GRM6: variants seen among roughly 807,000 people sequenced by gnomAD.
The protein encoded by GRM6 is glutamate metabotropic receptor 6, also known as metabotropic glutamate receptor 6.
In GRM6, 73 loss-of-function variants were observed where a neutral mutation model predicts 78.4. That is an observed-to-expected ratio of 0.93 (90% CI 0.77 to 1.13). The LOEUF (loss-of-function observed/expected upper bound fraction) is 1.13, where lower values mean the gene tolerates loss of function less well. Among genes scored for constraint, GRM6 ranks in the 50% most tolerant of loss-of-function variants. The pLI is 0.00. For synonymous variants in GRM6, 580 were observed against 555.0 expected (o/e 1.05, Z -0.63); for missense variants, 1,251 against 1,256.4 (o/e 1.00, Z 0.07).
Position 178,994,833 on chromosome 5 carries a change from C to A in GRM6, c.112G>T (p.Gly38Cys). ...GGGAACAGGCCGCCCAGCGTCAGGC[C>A]GCCCGCCAGGCGCACAGAGCCCGCC... ...RAAGSVRLAG[G>C]LTLGGLFPVH... The change falls in exon 2 of 11, where the codon GGC (glycine) becomes TGC (cysteine). Residue 38 changes from glycine (G) to cysteine (C), a missense_variant. Physicochemically the swap from Gly to Cys is radical, Grantham distance 159. Coordinates refer to ENST00000517717, the MANE Select transcript of GRM6 (RefSeq NM_000843.4). 1 of 1,231,464 alleles carries A rather than the reference C, an allele frequency of 8.1e-7. No individual in the cohort carries two copies. Among genetic ancestry groups the A allele is most frequent in the South Asian group, 2.9e-5 (1 of 34,852 alleles). 76.3% of individuals were successfully genotyped at this position (1,231,464 alleles called of 1,614,324 possible). A position where few individuals can be genotyped will look rare whatever the true frequency, so the allele number is the denominator to read the frequency against.
rs935271761 is a variant in GRM6 at position 178,979,367 on chromosome 5, C to T, written c.*2290G>A. 6.6e-6 allele frequency: 1 copy of T among 152,230 alleles called. No individual in the cohort carries two copies. Among genetic ancestry groups the T allele is most frequent in the African/African-American group, 2.4e-5 (1 of 41,456 alleles). 9.4% of individuals were successfully genotyped at this position (152,230 alleles called of 1,614,324 possible). A position where few individuals can be genotyped will look rare whatever the true frequency, so the allele number is the denominator to read the frequency against. On this transcript the variant is annotated 3_prime_UTR_variant, in exon 11 of 11. Coordinates refer to ENST00000517717, the MANE Select transcript of GRM6 (RefSeq NM_000843.4). ...TCAGAAAATTCTGGAAGGAGAGAAA[C>T]CTTGTGAAGGTACTAAATATGACAA...
intron 9 of GRM6, chr5:178,985,296 C>T (rs1308414990): frequency 4.4e-6 from 2 of 456,022 alleles, no homozygotes; most frequent in South Asian, 3.1e-5. Flanking sequence ...TGGAGGCCCA[C>T]ACTCCCCACC....
intron 9 of GRM6, 39 bp from the exon 10 acceptor site, chr5:178,983,260 A>G (rs1581891776): frequency 5.7e-6 from 9 of 1,567,250 alleles, no homozygotes; most frequent in Non-Finnish European, 7.9e-6. Flanking sequence ...AGCACTTTCC[A>G]GGGACAAATC....
chr5:178,986,400 G>A lies in GRM6; in HGVS notation c.1854C>T (p.Ala618=). 6.2e-7 allele frequency: 1 copy of A among 1,613,950 alleles called. No homozygotes were observed. The highest frequency in any genetic ancestry group is 1.1e-5 in the South Asian group (1 of 91,088). Residue 618 remains alanine (A), a synonymous_variant, in exon 9 of 11, where the codon GCC becomes GCT. Transcript: ENST00000517717. ...VRYNNTPIVR[A]SGRELSYVLL... ...GGACGTAGCTGAGCTCTCGGCCCGA[G>A]GCCCGGACGATGGGCGTGTTGTTGT...
At chr5:178,989,205 C>A in intron 6 of GRM6, 60 bp downstream of exon 6, 1 of 306,488 alleles carries the variant, frequency 3.3e-6, no homozygotes, top group Non-Finnish European at 4.9e-6. Flanking sequence ...CGCCTTCCCC[C>A]TCCCCACCCT....
rs1327785803 is a variant in GRM6, at chr5:178,981,870, G to C, written c.2437-16C>G. 2.6e-6 allele frequency: 4 copies of C among 1,553,380 alleles called. No homozygotes were observed. Among genetic ancestry groups the C allele is most frequent in the Non-Finnish European group, 3.6e-6 (4 of 1,125,250 alleles). On this transcript the variant is annotated splice_polypyrimidine_tract_variant and intron_variant, in intron 10 of 10. Coordinates refer to ENST00000517717, the MANE Select transcript of GRM6 (RefSeq NM_000843.4). The surrounding 1 kb of genome is among the most constrained non-coding windows in gnomAD (Gnocchi z 5.1). ...GGATGTAGATCTAGGCCATGGAAGAGGGGACCAGATGGGACTCAGCCCTGC... is the reference window on the plus strand; with the variant it reads ...GGATGTAGATCTAGGCCATGGAAGACGGGACCAGATGGGACTCAGCCCTGC...
chr5:178,982,459 T>A (rs1760412634), intron 10 of GRM6, among the ~76,000 whole-genome samples: 1 of 151,402 alleles, frequency 6.6e-6, no homozygotes, highest in Non-Finnish European at 1.5e-5. Context: ...GCACCTGTAG[T>A]CCCAGCTACG....
chr5:178,985,531 GTC>G, intron 9 of GRM6: 1 of 338,112 alleles, frequency 3.0e-6, no homozygotes, highest in Non-Finnish European at 5.8e-6. Context: ...GTGAAGCCCT[GTC>G]TCTACTAAAA....
chr5:178,989,453 G>A (rs199803425), intron 5 of GRM6, 48 bp from the exon 6 acceptor site: 118 of 1,612,274 alleles, frequency 7.3e-5, no homozygotes, highest in Non-Finnish European at 9.4e-5. Flanking sequence ...TGAGCCAGCT[G>A]TGTTTCTCCT....
Position 178,994,480 on chromosome 5 carries a change from GGAGCTGGCC to G in GRM6, c.456_464del (p.Ala153_Ser155del). 2.0e-6 allele frequency: 3 copies of G among 1,466,648 alleles called. No homozygotes were observed. The highest frequency in any genetic ancestry group is 2.7e-6 in the Non-Finnish European group (3 of 1,114,340). The allele number at this position is 1,466,648 out of a possible 1,614,324, so 90.9% of individuals were successfully genotyped here. A position where few individuals can be genotyped will look rare whatever the true frequency, so the allele number is the denominator to read the frequency against. On this transcript the variant is annotated inframe_deletion, in exon 2 of 11. Coordinates refer to ENST00000517717, the MANE Select transcript of GRM6 (RefSeq NM_000843.4). ...GCACGTTGGCGACCATGATGGAGAC[GGAGCTGGCC>G]GAGGCGCCCACGACGGCCACGACGC...
In GRM6 at chr5:178,994,925, G is replaced by A. The variant is rs1760747499; in HGVS notation, c.20C>T (p.Ala7Val). Residue 7 changes from alanine (A) to valine (V), a missense_variant, in exon 2 of 11, where the codon GCC becomes GTC. Transcript: ENST00000517717. Reference sequence around the variant, plus strand: ...CAGCGCCACGAGCAGCGGCTCCCGGGCTCTCCGGGGCCGCGCCATCGGCTC... The same window carrying A: ...CAGCGCCACGAGCAGCGGCTCCCGGACTCTCCGGGGCCGCGCCATCGGCTC... MARPRR[A>V]REPLLVALLP... 4 of 1,189,732 alleles carry A rather than the reference G, an allele frequency of 3.4e-6. No homozygotes were observed. The highest frequency in any genetic ancestry group is 4.2e-6 in the Non-Finnish European group (4 of 961,088). The allele number at this position is 1,189,732 out of a possible 1,614,324, so 73.7% of individuals were successfully genotyped here.
At position 178,986,089 on chromosome 5, in the gene GRM6, TC is replaced by T. The variant is rs534263318; in HGVS notation, c.2124+40del. On this transcript the variant is annotated intron_variant, in intron 9 of 10. Transcript: ENST00000517717. ...TTTGGCTTTGTAACGTTGCGGACAG[TC>T]CCCCTCCCTGCCCTGGCCCTTGGGA... The T allele has an allele frequency of 2.5e-5, 39 of 1,583,082 alleles. 1 individual carries two copies. The South Asian group carries it at 3.5e-4, about 14-fold the overall frequency.
At position 178,989,069 on chromosome 5, in the gene GRM6, G is replaced by A. The variant is rs778444272; in HGVS notation, c.1220C>T (p.Ala407Val). The A allele has an allele frequency of 7.4e-6, 12 of 1,613,848 alleles. No individual in the cohort carries two copies. Among genetic ancestry groups the A allele is most frequent in the East Asian group, 2.2e-5 (1 of 44,858 alleles). ...QEGKVQFVID[A>V]VYAIAHALHS... Reference sequence around the variant, plus strand: ...GAGGGCGTGGGCAATGGCGTACACCGCATCAATCACAAACTGCACCTTGCC... The same window carrying A: ...GAGGGCGTGGGCAATGGCGTACACCACATCAATCACAAACTGCACCTTGCC... Residue 407 changes from alanine to valine, a missense_variant, in exon 7 of 11, where the codon GCG (alanine) becomes GTG (valine). Transcript: ENST00000517717.
rs141103009 is a variant in GRM6, at chr5:178,983,207, T to A, written c.2139A>T (p.Ile713=). The part of the protein sequence containing the change: ...SLTSLQVVGM[I]AWLGARPPHS... ...GTGGGGGCCGGGCCCCCAGCCATGCTATCATCCCCACCACCTGCAGGAGCC... is the reference window on the plus strand; with the variant it reads ...GTGGGGGCCGGGCCCCCAGCCATGCAATCATCCCCACCACCTGCAGGAGCC... Residue 713 remains isoleucine (I), a synonymous_variant, in exon 10 of 11, where the codon ATA becomes ATT. Coordinates refer to ENST00000517717, the MANE Select transcript of GRM6 (RefSeq NM_000843.4). 11 of 1,612,114 alleles carry A rather than the reference T, an allele frequency of 6.8e-6. No homozygotes were observed. Among genetic ancestry groups the A allele is most frequent in the African/African-American group, 6.7e-5 (5 of 74,926 alleles).
chr5:178,982,992 A>G lies in GRM6; in HGVS notation c.2354T>C (p.Ile785Thr), dbSNP rs1284456874. ...VPETFNEAKP[I>T]GFTMYTTCII... is the part of the protein sequence containing the mutation. ...GCAGGTGGTGTACATGGTGAAGCCG[A>G]TGGGCTTGGCCTCGTTGAAGGTCTC... Residue 785 changes from isoleucine (I) to threonine (T), a missense_variant, in exon 10 of 11, where the codon ATC becomes ACC. Transcript: ENST00000517717. 2 of 1,614,056 alleles carry G rather than the reference A, an allele frequency of 1.2e-6. No homozygotes were observed. The highest frequency in any genetic ancestry group is 2.7e-5 in the African/African-American group (2 of 74,940).
Position 178,994,674 on chromosome 5 carries a change from G to A in GRM6, c.271C>T (p.Leu91=). 12 of 1,468,748 alleles carry A rather than the reference G, an allele frequency of 8.2e-6. No individual in the cohort carries two copies. The highest frequency in any genetic ancestry group is 1.1e-5 in the Non-Finnish European group (12 of 1,113,288). The allele number at this position is 1,468,748 out of a possible 1,614,324, so 91.0% of individuals were successfully genotyped here. A position where few individuals can be genotyped will look rare whatever the true frequency, so the allele number is the denominator to read the frequency against. ...CAGGTGTCCAGCAGCCGCGCGCCCA[G>A]GCGCACGCCGGGCAGCAGCTCGGGG... ...ADPELLPGVR[L]GARLLDTCSR... is the part of the protein sequence containing the mutation. The change falls in exon 2 of 11, where the codon CTG becomes TTG. Residue 91 remains leucine, a synonymous_variant. Transcript: ENST00000517717.
chr5:178,982,342 C>T (rs1760410890), intron 10 of GRM6, among the ~76,000 whole-genome samples: 1 of 152,042 alleles, frequency 6.6e-6, no homozygotes, highest in Non-Finnish European at 1.5e-5. Context: ...CTTTGGGAGG[C>T]CGAGGCAGAT....
chr5:178,983,000 G>A lies in GRM6; in HGVS notation c.2346C>T (p.Ala782=). Residue 782 remains alanine (A), a synonymous_variant, in exon 10 of 11, where the codon GCC becomes GCT. Transcript: ENST00000517717. ...ARGVPETFNE[A]KPIGFTMYTT... Reference sequence around the variant, plus strand: ...TGTACATGGTGAAGCCGATGGGCTTGGCCTCGTTGAAGGTCTCGGGCACGC... The same window carrying A: ...TGTACATGGTGAAGCCGATGGGCTTAGCCTCGTTGAAGGTCTCGGGCACGC... The A allele has an allele frequency of 6.2e-7, 1 of 1,614,104 alleles. No homozygotes were observed. Among genetic ancestry groups the A allele is most frequent in the Non-Finnish European group, 8.5e-7 (1 of 1,179,906 alleles).
Position 178,981,493 on chromosome 5 carries a change from G to A in GRM6, c.*164C>T. 1 of 608,632 alleles carries A rather than the reference G, an allele frequency of 1.6e-6. No individual in the cohort carries two copies. Among genetic ancestry groups the A allele is most frequent in the Non-Finnish European group, 2.9e-6 (1 of 341,066 alleles). 37.7% of individuals were successfully genotyped at this position (608,632 alleles called of 1,614,324 possible). On this transcript the variant is annotated 3_prime_UTR_variant, in exon 11 of 11. Transcript: ENST00000517717. This position sits in a 1 kb window ranked among gnomAD's most constrained non-coding sequence, Gnocchi z 5.1. Reference sequence around the variant, plus strand: ...CACATGCTGGAATCGGGGTAGAGCTGGGTCCAGTTCCTTCTCAAGGCCAGC... The same window carrying A: ...CACATGCTGGAATCGGGGTAGAGCTAGGTCCAGTTCCTTCTCAAGGCCAGC...
Sources: allele counts gnomAD v4.1 joint callset (sites outside exome capture counted in the v4.1 genomes callset), GRCh38; gene constraint gnomAD v4.1.1; non-coding constraint Gnocchi (gnomAD v3.1); transcripts MANE v1.5; gene names NCBI Gene and HGNC (gene_info 2026-07-23, HGNC 2026-07-21).